The following FAM193A variants were observed in gnomAD, a reference collection of about 807,000 sequenced individuals.
The protein encoded by FAM193A is protein FAM193A.
FAM193A carries 22 observed loss-of-function variants against 126.5 expected under a neutral mutation model. That is an observed-to-expected ratio of 0.17 (90% CI 0.12 to 0.25). The LOEUF (loss-of-function observed/expected upper bound fraction) is 0.25. FAM193A is among the 10% of genes least tolerant of loss of function. The probability of loss-of-function intolerance (pLI) is 1.00; values close to 1 mark genes in which losing one functional copy is unlikely to be tolerated. For synonymous variants in FAM193A, 761 were observed against 646.8 expected (o/e 1.18, Z -2.68); for missense variants, 1,675 against 1,672.8 (o/e 1.00, Z -0.02).
chr4:2,623,406 G>A (rs1197376148), intron 2 of FAM193A, among the ~76,000 whole-genome samples: 1 of 152,158 alleles, frequency 6.6e-6, no homozygotes, highest in Non-Finnish European at 1.5e-5. Flanking sequence ...TCTTGACCTC[G>A]TGATCTGCCC....
intron 1 of FAM193A, among the ~76,000 whole-genome samples, chr4:2,541,327 T>C (rs1188038092): frequency 6.6e-6 from 1 of 152,158 alleles, no homozygotes; most frequent in African/African-American, 2.4e-5. Flanking sequence ...AGCGAAACTC[T>C]GTCTCAAAAA....
At chr4:2,611,881 G>C (rs1219838312) in intron 2 of FAM193A, among the ~76,000 whole-genome samples, 1 of 147,188 alleles carries the variant, frequency 6.8e-6, no homozygotes, top group Admixed American at 6.8e-5. Flanking sequence ...CTTTTGTCCA[G>C]GCCGGAGTGC....
intron 1 of FAM193A, among the ~76,000 whole-genome samples, chr4:2,573,227 A>AT (rs1258040948): frequency 3.3e-5 from 5 of 152,034 alleles, no homozygotes; most frequent in African/African-American, 1.2e-4. Context: ...TAAGAAGCCC[A>AT]TGAGGCCAGG....
intron 20 of FAM193A, among the ~76,000 whole-genome samples, chr4:2,719,007 C>T (rs994531528): frequency 3.3e-5 from 5 of 151,964 alleles, no homozygotes; most frequent in Admixed American, 3.3e-4. Context: ...ATGGATTATC[C>T]AGTCTTGAGC....
In FAM193A at chr4:2,689,714, T is replaced by C; in HGVS notation, c.2530+10T>C. 6.4e-7 allele frequency: 1 copy of C among 1,558,392 alleles called. No homozygotes were observed. Among genetic ancestry groups the C allele is most frequent in the Non-Finnish European group, 8.7e-7 (1 of 1,156,010 alleles). ...CCAGATACAATTTCTGGTAAGGAAT[T>C]TGTTAAAACTTTCTTGAAGTTTTAA... On this transcript the variant is annotated intron_variant, in intron 14 of 20. Transcript: ENST00000637812.
chr4:2,599,588 T>G (rs1741074205), intron 2 of FAM193A, among the ~76,000 whole-genome samples: 1 of 152,242 alleles, frequency 6.6e-6, no homozygotes, highest in Non-Finnish European at 1.5e-5. Context: ...GTTGCAAATT[T>G]CTCTGGAGAC....
intron 1 of FAM193A, among the ~76,000 whole-genome samples, chr4:2,595,781 A>G (rs2108907113): frequency 6.6e-6 from 1 of 152,364 alleles, no homozygotes; most frequent in Non-Finnish European, 1.5e-5. Flanking sequence ...TCTGGTAAAC[A>G]GTCTGAAAAT....
At chr4:2,712,595 G>A (rs13152126) in intron 19 of FAM193A, among the ~76,000 whole-genome samples, 1 of 152,082 alleles carries the variant, frequency 6.6e-6, no homozygotes, top group Non-Finnish European at 1.5e-5. Context: ...GTTTTAGGAC[G>A]TTCTCTTGTG....
intron 10 of FAM193A, among the ~76,000 whole-genome samples, chr4:2,662,365 A>G (rs551875220): frequency 4.6e-5 from 7 of 152,206 alleles, no homozygotes; most frequent in East Asian, 1.9e-4. Context: ...TCAACTGACT[A>G]TTTCTGAAAA....
At chr4:2,651,831 C>G (rs927063075) in intron 7 of FAM193A, among the ~76,000 whole-genome samples, 2 of 152,180 alleles carry the variant, frequency 1.3e-5, no homozygotes, top group African/African-American at 4.8e-5. Context: ...CCTGAGTCGT[C>G]AAGAAGTGAC....
At chr4:2,724,951 A>C (rs1720558368) in intron 20 of FAM193A, among the ~76,000 whole-genome samples, 1 of 152,128 alleles carries the variant, frequency 6.6e-6, no homozygotes, top group Non-Finnish European at 1.5e-5. Context: ...ATCTCGGCTC[A>C]CTGCAACCTC....
At chr4:2,643,840 GTGTT>G (rs1213472869) in intron 6 of FAM193A, among the ~76,000 whole-genome samples, 1 of 152,158 alleles carries the variant, frequency 6.6e-6, no homozygotes, top group East Asian at 1.9e-4. Context: ...TAGGCGGGGG[GTGTT>G]TCTATCAGGG....
chr4:2,649,004 A>G (rs1003999768), intron 7 of FAM193A, among the ~76,000 whole-genome samples: 12 of 152,170 alleles, frequency 7.9e-5, no homozygotes, highest in African/African-American at 2.9e-4. Flanking sequence ...CTGCAAAATG[A>G]GATAATTATG....
intron 2 of FAM193A, among the ~76,000 whole-genome samples, chr4:2,598,944 C>T (rs1741031824): frequency 6.6e-6 from 1 of 152,194 alleles, no homozygotes; most frequent in Non-Finnish European, 1.5e-5. Flanking sequence ...CCAGCGAGCC[C>T]ACCTCTGCCC....
intron 6 of FAM193A, among the ~76,000 whole-genome samples, chr4:2,643,445 T>G (rs1259483879): frequency 1.3e-5 from 2 of 152,214 alleles, no homozygotes. Context: ...GCTTACCATT[T>G]TAACTAGTGT....
chr4:2,622,884 C>T (rs115371388), intron 2 of FAM193A, among the ~76,000 whole-genome samples: 6 of 151,930 alleles, frequency 3.9e-5, no homozygotes, highest in African/African-American at 1.2e-4. Flanking sequence ...AACTTATGAA[C>T]GGGGGCGGGC....
intron 1 of FAM193A, among the ~76,000 whole-genome samples, chr4:2,588,008 G>A (rs563439129): frequency 9.2e-5 from 14 of 152,320 alleles, no homozygotes; most frequent in African/African-American, 3.4e-4. Context: ...GGGCACAGGC[G>A]CAGGTCTGCG....
chr4:2,547,586 GTA>G (rs1319662875), intron 1 of FAM193A, among the ~76,000 whole-genome samples: 1 of 145,396 alleles, frequency 6.9e-6, no homozygotes, highest in Non-Finnish European at 1.5e-5. Context: ...CCTGACCTTA[GTA>G]TGTGTGTGTG....
chr4:2,597,147 A>G lies in FAM193A; in HGVS notation c.501+818A>G, dbSNP rs542716885. 2.0e-5 allele frequency among the ~76,000 whole-genome samples: 3 copies of G among 151,832 alleles called. No individual in the cohort carries two copies. In the East Asian group the frequency reaches 5.8e-4, roughly 29 times the overall value. ...AGCCCCATCTCCAGGGCCAGTTTCT[A>G]TCCTTGGGGTCTCATTGTCAGAATT... is the stretch of plus-strand genomic sequence containing the variant. On this transcript the variant is annotated intron_variant, in intron 2 of 20. Coordinates refer to ENST00000637812, the MANE Select transcript of FAM193A (RefSeq NM_001366318.2).
Sources: allele counts gnomAD v4.1 joint callset (sites outside exome capture counted in the v4.1 genomes callset), GRCh38; gene constraint gnomAD v4.1.1; transcripts MANE v1.5; gene names NCBI Gene and HGNC (gene_info 2026-07-23, HGNC 2026-07-21).